Variants in MTREX observed in about 807,000 individuals in gnomAD.
The protein encoded by MTREX is Mtr4 exosome RNA helicase.
MTREX carries 76 observed loss-of-function variants against 135.4 expected under a neutral mutation model. The ratio of observed to expected loss-of-function variants is 0.56; its 90% CI spans 0.47 to 0.68. MTREX has a LOEUF of 0.68. Among genes scored for constraint, MTREX ranks in the 30% least tolerant of loss-of-function variants. MTREX has a pLI of 0.00. For synonymous variants in MTREX, 404 were observed against 401.6 expected, an observed-to-expected ratio of 1.01 and a Z score of -0.07; for missense variants, 920 against 1,262.1, an observed-to-expected ratio of 0.73 and a Z score of 4.11.
At chr5:55,402,209 G>C (rs1289798385) in intron 21 of MTREX, among the ~76,000 whole-genome samples, 1 of 152,172 alleles carries the variant, frequency 6.6e-6, no homozygotes, top group Non-Finnish European at 1.5e-5. Flanking sequence ...ACACATCTAT[G>C]CTCTGACCCA....
intron 7 of MTREX, among the ~76,000 whole-genome samples, chr5:55,342,630 T>C (rs952124809): frequency 4.6e-5 from 7 of 152,226 alleles, no homozygotes; most frequent in African/African-American, 1.7e-4. Context: ...ATGTTTAATA[T>C]GTACACGCTT....
chr5:55,348,335 G>A (rs993802750), intron 11 of MTREX, among the ~76,000 whole-genome samples: 23 of 152,044 alleles, frequency 1.5e-4, no homozygotes, highest in Non-Finnish European at 1.0e-4. Flanking sequence ...CATTCATGAG[G>A]ACCCTGTCTC....
chr5:55,364,791 A>G (rs1040949892), intron 15 of MTREX, among the ~76,000 whole-genome samples: 6 of 151,376 alleles, frequency 4.0e-5, no homozygotes, highest in African/African-American at 1.2e-4. Flanking sequence ...TTAAAAAGGG[A>G]GAGAGAACGC....
chr5:55,352,569 A>G (rs1437911259), intron 13 of MTREX, among the ~76,000 whole-genome samples: 2 of 152,224 alleles, frequency 1.3e-5, no homozygotes, highest in African/African-American at 2.4e-5. Flanking sequence ...TACCCCTATT[A>G]TATAATTTCA....
At chr5:55,404,206 T>C (rs747383226) in intron 21 of MTREX, among the ~76,000 whole-genome samples, 10 of 152,224 alleles carry the variant, frequency 6.6e-5, no homozygotes, top group Admixed American at 3.9e-4. Context: ...TTTCAACTTA[T>C]CAAAACTTTT....
chr5:55,371,728 A>G (rs1468749848), intron 16 of MTREX, among the ~76,000 whole-genome samples: 3 of 152,168 alleles, frequency 2.0e-5, no homozygotes, highest in Non-Finnish European at 2.9e-5. Context: ...TATATTATCA[A>G]TTTTGAAAGA....
intron 15 of MTREX, among the ~76,000 whole-genome samples, chr5:55,362,225 G>A (rs1020053109): frequency 5.9e-5 from 9 of 151,606 alleles, no homozygotes; most frequent in African/African-American, 1.5e-4. Context: ...GAACCATCGC[G>A]CTGGCTGGCT....
chr5:55,410,491 C>G (rs1750869907), intron 22 of MTREX, 33 bp from the exon 23 acceptor site: 2 of 540,090 alleles, frequency 3.7e-6, no homozygotes, highest in Non-Finnish European at 3.0e-6. Flanking sequence ...TCTTTATATT[C>G]TGACATTTTA....
intron 18 of MTREX, among the ~76,000 whole-genome samples, chr5:55,384,806 C>T (rs1330414044): frequency 6.6e-6 from 1 of 152,104 alleles, no homozygotes; most frequent in African/African-American, 2.4e-5. Context: ...CCACAGTCAC[C>T]CTGAGATGAC....
chr5:55,354,752 G>A (rs1294777808), intron 14 of MTREX, among the ~76,000 whole-genome samples: 1 of 152,184 alleles, frequency 6.6e-6, no homozygotes, highest in Non-Finnish European at 1.5e-5. Flanking sequence ...TCTGCAGTCT[G>A]GCTAAGGCTG....
chr5:55,418,182 T>C (rs13168259), intron 25 of MTREX, among the ~76,000 whole-genome samples: 7,940 of 143,100 alleles, frequency 0.055, 372 homozygotes, highest in Admixed American at 0.12. Flanking sequence ...TGCAGTGAGC[T>C]GAGATTGTGC....
chr5:55,376,360 A>G (rs1750300631), intron 16 of MTREX, among the ~76,000 whole-genome samples: 1 of 152,242 alleles, frequency 6.6e-6, no homozygotes, highest in Non-Finnish European at 1.5e-5. Context: ...TCCAAGCCAA[A>G]TAACAGACTG....
chr5:55,374,478 A>C (rs1478031077), intron 16 of MTREX, among the ~76,000 whole-genome samples: 1 of 151,712 alleles, frequency 6.6e-6, no homozygotes, highest in Non-Finnish European at 1.5e-5. Context: ...TAGAGATGGA[A>C]TCTCACTGTC....
intron 1 of MTREX, among the ~76,000 whole-genome samples, chr5:55,318,738 C>T (rs527925010): frequency 1.3e-5 from 2 of 152,206 alleles, no homozygotes; most frequent in East Asian, 1.9e-4. Context: ...GCGTAGCAAA[C>T]CTTCACATGT....
chr5:55,376,357 C>G (rs1750300543), intron 16 of MTREX, among the ~76,000 whole-genome samples: 1 of 152,216 alleles, frequency 6.6e-6, no homozygotes, highest in East Asian at 1.9e-4. Context: ...ATCTCCAAGC[C>G]AAATAACAGA....
intron 25 of MTREX, among the ~76,000 whole-genome samples, chr5:55,421,092 T>C (rs1446676667): frequency 2.6e-5 from 4 of 152,182 alleles, no homozygotes; most frequent in African/African-American, 9.7e-5. Context: ...TGTGGTTTTG[T>C]TTTGTTTCGG....
chr5:55,388,830 A>G (rs957356206), intron 19 of MTREX, among the ~76,000 whole-genome samples: 2 of 152,206 alleles, frequency 1.3e-5, no homozygotes, highest in Non-Finnish European at 2.9e-5. Flanking sequence ...CATTTAATTT[A>G]CATGTGCTTC....
chr5:55,399,957 A>C (rs1579894193), intron 20 of MTREX, among the ~76,000 whole-genome samples: 2 of 152,370 alleles, frequency 1.3e-5, no homozygotes, highest in East Asian at 3.8e-4. Context: ...TTTAGCAATA[A>C]GTTGTGCCAC....
chr5:55,351,046 AT>A lies in MTREX; in HGVS notation c.1431+23del. The A allele has an allele frequency of 1.3e-6, 2 of 1,582,382 alleles. No individual in the cohort carries two copies. Among genetic ancestry groups the A allele is most frequent in the South Asian group, 1.2e-5 (1 of 84,222 alleles). On this transcript the variant is annotated intron_variant, in intron 13 of 26. Transcript: ENST00000230640. ...TTGATAAAGGTATGGTTTTATTTTT[AT>A]TTTTTATGCCCCCATATCATGTTGT...
Sources: allele counts gnomAD v4.1 joint callset (sites outside exome capture counted in the v4.1 genomes callset), GRCh38; gene constraint gnomAD v4.1.1; transcripts MANE v1.5; gene names NCBI Gene and HGNC (gene_info 2026-07-23, HGNC 2026-07-21).